Variants in CFAP95 observed in about 807,000 individuals in gnomAD.
CFAP95 encodes the protein cilia and flagella associated protein 95, also known as cilia- and flagella-associated protein 95.
chr9:69,857,007 G>A, the CFAP95 span, among the ~76,000 whole-genome samples: 58 of 147,496 alleles, frequency 3.9e-4, no homozygotes, highest in African/African-American at 1.4e-3. Context: ...GTTATTTGGT[G>A]TTTATAACCC....
chr9:69,877,551 G>A, the CFAP95 span, among the ~76,000 whole-genome samples: 3 of 152,180 alleles, frequency 2.0e-5, no homozygotes, highest in African/African-American at 7.2e-5. Context: ...TTTGTTGCAA[G>A]TATAAATGGG....
the CFAP95 span, among the ~76,000 whole-genome samples, chr9:69,859,589 T>C: frequency 6.6e-6 from 1 of 152,168 alleles, no homozygotes; most frequent in African/African-American, 2.4e-5. Context: ...TCCGAGCCTG[T>C]GAGTGAGGCT....
chr9:69,828,166 A>G, the CFAP95 span, among the ~76,000 whole-genome samples: 1 of 152,122 alleles, frequency 6.6e-6, no homozygotes, highest in Non-Finnish European at 1.5e-5. Flanking sequence ...CAAAAATTTC[A>G]TTTTGTCAGT....
At chr9:69,835,066 T>C in the CFAP95 span, among the ~76,000 whole-genome samples, 10 of 152,332 alleles carry the variant, frequency 6.6e-5, no homozygotes, top group African/African-American at 1.7e-4. Context: ...TTAGGGAATA[T>C]AGCTGACTCT....
chr9:69,838,275 A>T, the CFAP95 span, among the ~76,000 whole-genome samples: 2 of 152,122 alleles, frequency 1.3e-5, no homozygotes, highest in African/African-American at 4.8e-5. Context: ...GAAGAAAGAC[A>T]TTGGTAGCTT....
At chr9:69,886,934 C>G in the CFAP95 span, 5 of 1,518,614 alleles carry the variant, frequency 3.3e-6, no homozygotes, top group African/African-American at 6.9e-5. Flanking sequence ...TATTTGTGTA[C>G]TTGAAATGAT....
chr9:69,872,150 G>T, the CFAP95 span, among the ~76,000 whole-genome samples: 1 of 152,192 alleles, frequency 6.6e-6, no homozygotes, highest in African/African-American at 2.4e-5. Context: ...TGCAGAGCCT[G>T]TGTCATTAAC....
At chr9:69,835,191 C>A in the CFAP95 span, among the ~76,000 whole-genome samples, 27,519 of 152,166 alleles carry the variant, frequency 0.18, 2,820 homozygotes, top group Admixed American at 0.25. Flanking sequence ...CAATAGCTAA[C>A]GGCATGGTTG....
chr9:69,861,749 A>C, the CFAP95 span, among the ~76,000 whole-genome samples: 15,560 of 148,320 alleles, frequency 0.1, 1,079 homozygotes, highest in East Asian at 0.24. Flanking sequence ...AAAAAAAAAA[A>C]AAAACACAAC....
the CFAP95 span, among the ~76,000 whole-genome samples, chr9:69,848,431 A>G: frequency 2.0e-5 from 3 of 152,226 alleles, no homozygotes; most frequent in African/African-American, 4.8e-5. Flanking sequence ...GGCATCTTCT[A>G]TCATGGGACA....
At chr9:69,830,970 T>C in the CFAP95 span, among the ~76,000 whole-genome samples, 1 of 152,218 alleles carries the variant, frequency 6.6e-6, no homozygotes, top group Non-Finnish European at 1.5e-5. Flanking sequence ...TTCTTACTGT[T>C]TTTGATAGGC....
the CFAP95 span, among the ~76,000 whole-genome samples, chr9:69,883,703 T>C: frequency 6.6e-6 from 1 of 152,154 alleles, no homozygotes; most frequent in Non-Finnish European, 1.5e-5. Flanking sequence ...CTAACGATCC[T>C]TTGAATTTCT....
the CFAP95 span, among the ~76,000 whole-genome samples, chr9:69,824,755 G>A: frequency 2.6e-5 from 4 of 152,086 alleles, no homozygotes; most frequent in African/African-American, 7.2e-5. Context: ...CGTTATGTAA[G>A]GTGTTTTTAA....
the CFAP95 span, among the ~76,000 whole-genome samples, chr9:69,843,548 C>CTT: frequency 1.2e-3 from 20 of 16,512 alleles, 1 homozygote; most frequent in Non-Finnish European, 1.6e-3. Flanking sequence ...TCCTCCTCCT[C>CTT]CTCCTCCTCC....
chr9:69,862,546 GA>G, the CFAP95 span, among the ~76,000 whole-genome samples: 1 of 152,148 alleles, frequency 6.6e-6, no homozygotes, highest in Non-Finnish European at 1.5e-5. Flanking sequence ...CTACAGCTCT[GA>G]AAGTTAAATG....
chr9:69,902,343 A>T, the CFAP95 span: 4 of 454,928 alleles, frequency 8.8e-6, no homozygotes, highest in African/African-American at 8.0e-5. Flanking sequence ...GGAGAACTCT[A>T]TAATCTCCCA....
At chr9:69,902,170 G>A in the CFAP95 span, 1 of 350,672 alleles carries the variant, frequency 2.9e-6, no homozygotes, top group Admixed American at 3.9e-5. Context: ...TTAAAGCCCA[G>A]GGATGGGAAA....
chr9:69,833,872 C>A, the CFAP95 span, among the ~76,000 whole-genome samples: 2 of 152,232 alleles, frequency 1.3e-5, no homozygotes, highest in East Asian at 1.9e-4. Context: ...TGAAGAAAAG[C>A]TTATTTGTTT....
chr9:69,886,229 G>A, the CFAP95 span, among the ~76,000 whole-genome samples: 354 of 152,232 alleles, frequency 2.3e-3, no homozygotes, highest in African/African-American at 7.9e-3. Context: ...TGGCTCTAGA[G>A]TGCAAGAGTG....
Sources: gnomAD v4.1 joint callset for allele counts (sites outside exome capture counted in the v4.1 genomes callset) on GRCh38, gnomAD v4.1.1 for gene constraint, MANE v1.5 for transcripts, NCBI Gene and HGNC (gene_info 2026-07-23, HGNC 2026-07-21) for gene names.